The following HS2ST1 variants were observed in gnomAD, a reference collection of about 807,000 sequenced individuals.
HS2ST1 encodes the protein heparan sulfate 2-O-sulfotransferase 1.
Under a neutral mutation model 42.9 loss-of-function variants are expected in HS2ST1, and 18 were observed. That is an observed-to-expected ratio of 0.42 (90% confidence interval 0.29 to 0.62). HS2ST1 has a LOEUF of 0.62. HS2ST1 is among the 20% of genes least tolerant of loss of function. HS2ST1 has a pLI of 0.21. For synonymous variants in HS2ST1, 146 were observed against 152.9 expected, an observed-to-expected ratio of 0.95 and a Z score of 0.33; for missense variants, 334 against 433.8, an observed-to-expected ratio of 0.77 and a Z score of 2.04.
At chr1:87,049,239 C>T (rs1356803463) in intron 1 of HS2ST1, among the ~76,000 whole-genome samples, 1 of 151,806 alleles carries the variant, frequency 6.6e-6, no homozygotes, top group Non-Finnish European at 1.5e-5. Context: ...AGTATTCTCT[C>T]CTTTGTCATT....
chr1:87,025,698 G>T (rs537030073), intron 1 of HS2ST1, among the ~76,000 whole-genome samples: 139 of 152,220 alleles, frequency 9.1e-4, no homozygotes, highest in African/African-American at 3.2e-3. Context: ...GGATGACTGA[G>T]TTCACTAAGA....
At chr1:86,922,785 A>T (rs1660327517) in intron 1 of HS2ST1, among the ~76,000 whole-genome samples, 1 of 151,934 alleles carries the variant, frequency 6.6e-6, no homozygotes, top group Admixed American at 6.6e-5. Context: ...TTAATTATTT[A>T]ATTATTAAAT....
At chr1:87,040,391 T>G (rs1650489167) in intron 1 of HS2ST1, among the ~76,000 whole-genome samples, 1 of 152,128 alleles carries the variant, frequency 6.6e-6, no homozygotes, top group Non-Finnish European at 1.5e-5. Context: ...TTTAGAAGTA[T>G]CCATTTTCCT....
In HS2ST1 at chr1:86,914,924, G is replaced by A; in HGVS notation, c.-113G>A. The A allele has an allele frequency of 3.0e-6, 4 of 1,341,462 alleles. No homozygotes were observed. The highest frequency in any genetic ancestry group is 4.2e-6 in the Non-Finnish European group (4 of 962,922). The allele number at this position is 1,341,462 out of a possible 1,614,324, so 83.1% of individuals were successfully genotyped here. On this transcript the variant is annotated 5_prime_UTR_variant, in exon 1 of 7. Coordinates refer to ENST00000370550, the MANE Select transcript of HS2ST1 (RefSeq NM_012262.4). The stretch of plus-strand genomic sequence containing the variant: ...TCGCTGCGGTGGTTCTCTCGCTGTC[G>A]CTCTCTCTTTGCCTCGCTCCCGGCT...
intron 1 of HS2ST1, among the ~76,000 whole-genome samples, chr1:87,033,147 A>G (rs2100597486): frequency 6.6e-6 from 1 of 152,370 alleles, no homozygotes; most frequent in East Asian, 1.9e-4. Flanking sequence ...ACATAAGTAG[A>G]ATAGTAAAAT....
intron 1 of HS2ST1, among the ~76,000 whole-genome samples, chr1:87,026,547 A>G (rs1301312197): frequency 6.6e-6 from 1 of 152,178 alleles, no homozygotes. Context: ...GTTTTTGTTA[A>G]ATAGGAAATA....
rs544361051 is a variant in HS2ST1 at position 86,915,630 on chromosome 1, G to T, written c.124+470G>T. On this transcript the variant is annotated intron_variant, in intron 1 of 6. Coordinates refer to ENST00000370550, the MANE Select transcript of HS2ST1 (RefSeq NM_012262.4). ...TGGGGGCTCATGAAGGGATAGGTGC[G>T]CAGAAATGGGAGGAGATGCTGGGAT... 2.0e-5 allele frequency among the ~76,000 whole-genome samples: 3 copies of T among 152,306 alleles called. No homozygotes were observed. In the East Asian group the frequency reaches 5.8e-4, roughly 29 times the overall value.
intron 1 of HS2ST1, among the ~76,000 whole-genome samples, chr1:87,071,887 G>A (rs1368221865): frequency 2.6e-5 from 4 of 152,096 alleles, no homozygotes; most frequent in East Asian, 3.8e-4. Flanking sequence ...AAGAGAGTAC[G>A]TGCTATATGT....
rs368956270 is a variant in HS2ST1 at position 86,935,664 on chromosome 1, G to T, written c.124+20504G>T. ...TGTTTAGTAGAGATGGGGTTTTGCCGTGTTGACCAGGCTAGTCTCAAACTC... is the reference window on the plus strand; with the variant it reads ...TGTTTAGTAGAGATGGGGTTTTGCCTTGTTGACCAGGCTAGTCTCAAACTC... On this transcript the variant is annotated intron_variant, in intron 1 of 6. Transcript: ENST00000370550. Among the ~76,000 whole-genome samples the T allele has an allele frequency of 4.0e-5, 6 of 151,552 alleles. No individual in the cohort carries two copies. The East Asian group carries it at 9.7e-4, about 24-fold the overall frequency.
chr1:87,007,014 T>C (rs1456529712), intron 1 of HS2ST1, among the ~76,000 whole-genome samples: 1 of 152,116 alleles, frequency 6.6e-6, no homozygotes, highest in Non-Finnish European at 1.5e-5. Context: ...TGAGTAATGC[T>C]GTCCATTGCA....
At chr1:87,045,960 C>T in intron 1 of HS2ST1, 1 of 720,460 alleles carries the variant, frequency 1.4e-6, no homozygotes, top group Non-Finnish European at 2.5e-6. Flanking sequence ...TCAGCAACCT[C>T]AACAGTTTTT....
chr1:86,970,280 C>G (rs1472418872), intron 1 of HS2ST1, among the ~76,000 whole-genome samples: 2 of 152,090 alleles, frequency 1.3e-5, no homozygotes, highest in Non-Finnish European at 2.9e-5. Context: ...ATAGTTTCCT[C>G]TGTAAGCCAT....
At chr1:87,056,069 T>G (rs1251594509) in intron 1 of HS2ST1, among the ~76,000 whole-genome samples, 3 of 152,090 alleles carry the variant, frequency 2.0e-5, no homozygotes, top group African/African-American at 7.2e-5. Context: ...TGTAATGGTG[T>G]TGAGAGGTGG....
intron 1 of HS2ST1, chr1:86,934,341 T>G (rs1445911971): frequency 2.0e-5 from 3 of 152,242 alleles, no homozygotes; most frequent in Non-Finnish European, 4.4e-5. Flanking sequence ...TTCTTTGATC[T>G]TCACTTGTGA....
chr1:86,986,145 T>TTC (rs965243763), intron 1 of HS2ST1, among the ~76,000 whole-genome samples: 3 of 151,958 alleles, frequency 2.0e-5, no homozygotes, highest in African/African-American at 7.3e-5. Context: ...TTTACTCTCC[T>TTC]TCTTAATTTA....
Position 87,092,638 on chromosome 1 carries a change from G to T in HS2ST1, c.557G>T (p.Gly186Val). 1 of 1,544,410 alleles carries T rather than the reference G, an allele frequency of 6.5e-7. No individual in the cohort carries two copies. The highest frequency in any genetic ancestry group is 8.7e-7 in the Non-Finnish European group (1 of 1,150,970). Residue 186 changes from glycine (G) to valine (V), a missense_variant, in exon 4 of 7, where the codon GGG becomes GTG. By Grantham distance (109) the Gly-to-Val change is moderately radical. Transcript: ENST00000370550. The stretch of plus-strand genomic sequence containing the variant: ...AGATTTGGAGATGATTATAGACCAG[G>T]GTTACGGAGACGAAAACAAGGAGAC... ...FLRFGDDYRPGLRRRKQGDKK... is the reference protein window; with the variant it reads ...FLRFGDDYRPVLRRRKQGDKK...
chr1:87,101,156 G>GTTTTTTTTTTTTT (rs1162453464), intron 5 of HS2ST1, among the ~76,000 whole-genome samples: 7 of 91,144 alleles, frequency 7.7e-5, no homozygotes, highest in African/African-American at 9.0e-5. Flanking sequence ...TGTGTTTTTT[G>GTTTTTTTTTTTTT]TTTTTTTTTT....
intron 5 of HS2ST1, among the ~76,000 whole-genome samples, chr1:87,099,834 G>A (rs1170226172): frequency 6.6e-6 from 1 of 152,184 alleles, no homozygotes; most frequent in Non-Finnish European, 1.5e-5. Context: ...CCTTCCAAAA[G>A]GGAGAAATTG....
chr1:87,085,989 T>G (rs1651808118), intron 3 of HS2ST1, among the ~76,000 whole-genome samples: 1 of 152,198 alleles, frequency 6.6e-6, no homozygotes, highest in African/African-American at 2.4e-5. Flanking sequence ...TGTGAAAATT[T>G]TTCATAGATT....
Sources: allele counts gnomAD v4.1 joint callset (sites outside exome capture counted in the v4.1 genomes callset), GRCh38; gene constraint gnomAD v4.1.1; transcripts MANE v1.5; gene names NCBI Gene and HGNC (gene_info 2026-07-23, HGNC 2026-07-21).